Variants in HYI observed in about 807,000 individuals in gnomAD.
HYI encodes putative hydroxypyruvate isomerase.
HYI carries 47 observed loss-of-function variants against 39.7 expected under a neutral mutation model. That is an observed-to-expected ratio of 1.18 (90% CI 0.94 to 1.51). HYI has a LOEUF of 1.51. Ranked by LOEUF, HYI falls within the 40% of genes most tolerant of loss-of-function variation. The pLI is 0.00. For missense variants in HYI, 465 were observed against 370.3 expected (o/e 1.26, Z -2.10); for synonymous variants, 186 against 158.8 (o/e 1.17, Z -1.29).
chr1:43,452,670 A>T, intron 2 of HYI: 1 of 600,812 alleles, frequency 1.7e-6, no homozygotes, highest in Non-Finnish European at 3.0e-6. Flanking sequence ...TGCTGTCTCT[A>T]CTTCCTCTCC....
rs534101178 is a variant in HYI at position 43,453,834 on chromosome 1, AGGCGGCG to A, written c.-48_-42del. ...GCCGGGCGGAGTCCGCGGGATCCAA[AGGCGGCG>A]GGCGGCGGGCGGCGGGCGGCGGGCG... is the stretch of plus-strand genomic sequence containing the variant. On this transcript the variant is annotated 5_prime_UTR_variant, in exon 1 of 8. Coordinates refer to ENST00000372430, the MANE Select transcript of HYI (RefSeq NM_001190880.3). 2.3e-3 allele frequency: 2,787 copies of A among 1,194,562 alleles called. 15 individuals carry two copies. Among genetic ancestry groups the A allele is most frequent in the East Asian group, 0.013 (372 of 29,052 alleles). The allele number at this position is 1,194,562 out of a possible 1,614,324, so 74.0% of individuals were successfully genotyped here. A position where few individuals can be genotyped will look rare whatever the true frequency, so the allele number is the denominator to read the frequency against.
intron 2 of HYI, chr1:43,452,817 C>A: frequency 7.1e-7 from 1 of 1,408,574 alleles, no homozygotes; most frequent in South Asian, 1.2e-5. Context: ...TTTGAGCCGT[C>A]CACCTCCTCC....
At position 43,453,625 on chromosome 1, in the gene HYI, GC is replaced by G. The variant is rs1227148773; in HGVS notation, c.168del (p.Leu57CysfsTer5). The G allele has an allele frequency of 4.7e-6, 7 of 1,495,884 alleles. No homozygotes were observed. Among genetic ancestry groups the G allele is most frequent in the Non-Finnish European group, 6.2e-6 (7 of 1,128,368 alleles). 92.7% of individuals were successfully genotyped at this position (1,495,884 alleles called of 1,614,324 possible). A position where few individuals can be genotyped will look rare whatever the true frequency, so the allele number is the denominator to read the frequency against. The stretch of plus-strand genomic sequence containing the variant: ...GGCGTGTTGATCAGTACAAGCCGCA[GC>G]CCCGCTTCTCGCGCGGCGCGCGCCA... ...EALARAAREA[G>X]LRLVLINTPP... On this transcript the variant is annotated frameshift_variant, in exon 1 of 8. Transcript: ENST00000372430. LOFTEE classifies it high-confidence loss of function.
chr1:43,451,737 A>C lies in HYI; in HGVS notation c.556-20T>G. Reference sequence around the variant, plus strand: ...TATGTCCTAGGGAAGAGGATACTACATTCCGAGACCCCGCAGGCCCCGCCC... The same window carrying C: ...TATGTCCTAGGGAAGAGGATACTACCTTCCGAGACCCCGCAGGCCCCGCCC... On this transcript the variant is annotated intron_variant, in intron 5 of 7. Coordinates refer to ENST00000372430, the MANE Select transcript of HYI (RefSeq NM_001190880.3). The C allele has an allele frequency of 6.2e-7, 1 of 1,613,658 alleles. No individual in the cohort carries two copies.
chr1:43,453,851 C>T lies in HYI; in HGVS notation c.-58G>A, dbSNP rs980563831. On this transcript the variant is annotated 5_prime_UTR_variant, in exon 1 of 8. Coordinates refer to ENST00000372430, the MANE Select transcript of HYI (RefSeq NM_001190880.3). The stretch of plus-strand genomic sequence containing the variant: ...GGATCCAAAGGCGGCGGGCGGCGGG[C>T]GGCGGGCGGCGGGCGGGGGCGGGGC... 1,408 of 1,080,102 alleles carry T rather than the reference C, an allele frequency of 1.3e-3. 1 individual carries two copies. The highest frequency in any genetic ancestry group is 4.7e-3 in the Middle Eastern group (13 of 2,756). 66.9% of individuals were successfully genotyped at this position (1,080,102 alleles called of 1,614,324 possible). A position where few individuals can be genotyped will look rare whatever the true frequency, so the allele number is the denominator to read the frequency against.
rs1055452800 is a variant in HYI, at chr1:43,453,811, C to T, written c.-18G>A. On this transcript the variant is annotated 5_prime_UTR_variant, in exon 1 of 8. Transcript: ENST00000372430. The stretch of plus-strand genomic sequence containing the variant: ...GGCGCCATGCCTGGGGAGGCCGGGC[C>T]GGGCGGAGTCCGCGGGATCCAAAGG... The T allele has an allele frequency of 8.1e-7, 1 of 1,230,822 alleles. No homozygotes were observed. Among genetic ancestry groups the T allele is most frequent in the Non-Finnish European group, 1.0e-6 (1 of 988,744 alleles). 76.2% of individuals were successfully genotyped at this position (1,230,822 alleles called of 1,614,324 possible). A position where few individuals can be genotyped will look rare whatever the true frequency, so the allele number is the denominator to read the frequency against.
Position 43,451,423 on chromosome 1 carries a change from C to T in HYI, c.747G>A (p.Glu249=), listed in dbSNP as rs1178838080. ...GCCACGCCTCACCTCGAGGCTGATA[C>T]TCACAGCCCACGAAGCCTTTGTAGC... is the stretch of plus-strand genomic sequence containing the variant. ...DEGYKGFVGC[E]YQPRGDTVEG... The change falls in exon 7 of 8, where the codon GAG becomes GAA. Residue 249 remains glutamate (E), a synonymous_variant. Coordinates refer to ENST00000372430, the MANE Select transcript of HYI (RefSeq NM_001190880.3). 8 of 1,613,178 alleles carry T rather than the reference C, an allele frequency of 5.0e-6. No homozygotes were observed. The highest frequency in any genetic ancestry group is 6.8e-6 in the Non-Finnish European group (8 of 1,179,930).
chr1:43,453,426 C>T lies in HYI; in HGVS notation c.271G>A (p.Glu91Lys). Residue 91 changes from glutamate (E) to lysine (K), a missense_variant, in exon 2 of 8, where the codon GAG becomes AAG. Coordinates refer to ENST00000372430, the MANE Select transcript of HYI (RefSeq NM_001190880.3). ...GRQAAFREGL[E>K]QAVRYAKALG... is the part of the protein sequence containing the mutation. Reference sequence around the variant, plus strand: ...GCTTTGGCATACCGCACGGCCTGCTCCAGTCCCTCTCGGAAGGCCGCCTGT... The same window carrying T: ...GCTTTGGCATACCGCACGGCCTGCTTCAGTCCCTCTCGGAAGGCCGCCTGT... The T allele has an allele frequency of 6.4e-7, 1 of 1,561,902 alleles. No homozygotes were observed.
chr1:43,453,520 CCCCCGGCTCGGACACTCCCCTGCCCGCG>C (rs1557618067), intron 1 of HYI, 23 bp from the exon 2 acceptor site: 5 of 1,534,680 alleles, frequency 3.3e-6, no homozygotes, highest in Non-Finnish European at 4.4e-6. Context: ...CGGGCCTCAG[CCCCCGGCTCGGACACTCCCCTGCCCGCG>C]CCCCGGCACC....
rs1185167428 is a variant in HYI at position 43,452,202 on chromosome 1, C to T, written c.426+3G>A. On this transcript the variant is annotated splice_donor_region_variant and intron_variant, in intron 3 of 7. Transcript: ENST00000372430. ...AGTACGTGTGTGTTTCCACCTTTCTCACCTGAGCCAAAACCCCAGCTGCAT... is the reference window on the plus strand; with the variant it reads ...AGTACGTGTGTGTTTCCACCTTTCTTACCTGAGCCAAAACCCCAGCTGCAT... The T allele has an allele frequency of 1.2e-6, 2 of 1,609,872 alleles. No individual in the cohort carries two copies. The highest frequency in any genetic ancestry group is 8.5e-7 in the Non-Finnish European group (1 of 1,177,486).
downstream of HYI, chr1:43,450,840 C>G: frequency 1.4e-6 from 1 of 712,108 alleles, no homozygotes; most frequent in Non-Finnish European, 2.6e-6. This position sits in a 1 kb window ranked among gnomAD's most constrained non-coding sequence, Gnocchi z 4.3. Flanking sequence ...GCCCCCTAGC[C>G]TTTGACCACT....
At chr1:43,450,856 C>T, downstream of HYI, 1 of 716,756 alleles carries the variant, frequency 1.4e-6, no homozygotes, top group South Asian at 1.4e-5. The surrounding 1 kb of genome is among the most constrained non-coding windows in gnomAD (Gnocchi z 4.3). Flanking sequence ...CCACTGTCAG[C>T]CACCTGTGTC....
intron 1 of HYI, 29 bp from the exon 2 acceptor site, chr1:43,453,526 G>T: frequency 6.5e-7 from 1 of 1,532,446 alleles, no homozygotes; most frequent in Non-Finnish European, 8.8e-7. Flanking sequence ...TCAGCCCCCG[G>T]CTCGGACACT....
In HYI at chr1:43,451,060, C is replaced by T. The variant is rs766915968; in HGVS notation, c.*178G>A. On this transcript the variant is annotated 3_prime_UTR_variant, in exon 8 of 8. Coordinates refer to ENST00000372430, the MANE Select transcript of HYI (RefSeq NM_001190880.3). ...AGAAGCTCTCCCATCTTCACAGCAA[C>T]CCTGGCACTGGCTTCTCAATGGGAG... is the stretch of plus-strand genomic sequence containing the variant. 2 of 797,414 alleles carry T rather than the reference C, an allele frequency of 2.5e-6. No individual in the cohort carries two copies. Among genetic ancestry groups the T allele is most frequent in the East Asian group, 2.4e-5 (1 of 41,304 alleles). The allele number at this position is 797,414 out of a possible 1,614,324, so 49.4% of individuals were successfully genotyped here.
In HYI at chr1:43,451,472, A is replaced by G. The variant is rs959914487; in HGVS notation, c.698T>C (p.Leu233Pro). 6.2e-7 allele frequency: 1 copy of G among 1,614,120 alleles called. No homozygotes were observed. Among genetic ancestry groups the G allele is most frequent in the Non-Finnish European group, 8.5e-7 (1 of 1,180,026 alleles). ...SSPGELNFPY[L>P]FQLLEDEGYK... is the part of the protein sequence containing the mutation. Reference sequence around the variant, plus strand: ...GCCTTCATCTTCCAGCAGTTGAAACAGATAGGGGAAATTCAGCTCTCCGGG... The same window carrying G: ...GCCTTCATCTTCCAGCAGTTGAAACGGATAGGGGAAATTCAGCTCTCCGGG... Residue 233 changes from leucine (L) to proline (P), a missense_variant, in exon 7 of 8, where the codon CTG becomes CCG. Transcript: ENST00000372430.
At chr1:43,452,907 C>A (rs1015446086) in intron 2 of HYI, 6 of 1,601,428 alleles carry the variant, frequency 3.7e-6, no homozygotes, top group Non-Finnish European at 5.1e-6. Flanking sequence ...ACATACATGT[C>A]CAGCCTCAGG....
In HYI at chr1:43,453,714, G is replaced by A; in HGVS notation, c.80C>T (p.Ala27Val). The change falls in exon 1 of 8, where the codon GCG becomes GTG. Residue 27 changes from alanine (A) to valine (V), a missense_variant. Transcript: ENST00000372430. ...GACGGCCTCGAAGCCCGAGCTGCCCGCGGCCCGCACCCGCGCGGGGAGGCC... is the reference window on the plus strand; with the variant it reads ...GACGGCCTCGAAGCCCGAGCTGCCCACGGCCCGCACCCGCGCGGGGAGGCC... ...LSGLPARVRA[A>V]GSSGFEAVEV... 1 of 1,406,476 alleles carries A rather than the reference G, an allele frequency of 7.1e-7. No homozygotes were observed. The highest frequency in any genetic ancestry group is 9.2e-7 in the Non-Finnish European group (1 of 1,090,732). The allele number at this position is 1,406,476 out of a possible 1,614,324, so 87.1% of individuals were successfully genotyped here.
chr1:43,453,494 TCTC>T lies in HYI; in HGVS notation c.200_202del (p.Gly67del), dbSNP rs1656677503. On this transcript the variant is annotated inframe_deletion and splice_region_variant, in exon 2 of 8. Transcript: ENST00000372430. ...CAGCCCCATTTCCCCCTTCTCTTGG[TCTC>T]CTGCAGAGAGAACGGGCCTCAGCCC... 4 of 1,552,610 alleles carry T rather than the reference TCTC, an allele frequency of 2.6e-6. No individual in the cohort carries two copies. The highest frequency in any genetic ancestry group is 2.6e-6 in the Non-Finnish European group (3 of 1,147,290).
At chr1:43,453,568 T>C (rs1447014610) in intron 1 of HYI, 27 bp downstream of exon 1, 4 of 1,406,978 alleles carry the variant, frequency 2.8e-6, no homozygotes, top group Middle Eastern at 1.9e-4. Flanking sequence ...CCCCCAGCCC[T>C]CCCAGCCCTC....
Sources: allele counts gnomAD v4.1 joint callset, GRCh38; gene constraint gnomAD v4.1.1; non-coding constraint Gnocchi (gnomAD v3.1); transcripts MANE v1.5; gene names NCBI Gene and HGNC (gene_info 2026-07-23, HGNC 2026-07-21).